Variants in SLX9 observed in about 807,000 individuals in gnomAD.
SLX9 encodes the protein ribosome biogenesis protein SLX9 homolog.
In SLX9, 19 loss-of-function variants were observed where a neutral mutation model predicts 20.8. The observed-to-expected ratio is 0.91, with a 90% CI of 0.64 to 1.34. The LOEUF is 1.34. Among genes scored for constraint, SLX9 ranks in the 40% most tolerant of loss-of-function variants. The probability of loss-of-function intolerance (pLI) is 0.00; values close to 1 mark genes in which losing one functional copy is unlikely to be tolerated. For missense variants in SLX9, 299 were observed against 322.2 expected (o/e 0.93, Z 0.55); for synonymous variants, 113 against 137.1 (o/e 0.82, Z 1.23).
At chr21:44,973,098 A>T in intron 4 of SLX9, 99 bp from the exon 5 acceptor site, 1 of 1,372,446 alleles carries the variant, frequency 7.3e-7, no homozygotes, top group Non-Finnish European at 1.0e-6. Context: ...TCTGGCCACC[A>T]CGACGTCTGC....
chr21:44,951,726 G>A (rs1465257254), intron 2 of SLX9, among the ~76,000 whole-genome samples: 3 of 152,142 alleles, frequency 2.0e-5, no homozygotes. Flanking sequence ...CACTGTGTGG[G>A]CACCATCTCT....
At chr21:44,940,210 G>GGGGCTGCCGCGTGGGTCCGA in intron 1 of SLX9, 24 bp downstream of exon 1, 15 of 1,222,790 alleles carry the variant, frequency 1.2e-5, no homozygotes, top group Non-Finnish European at 1.5e-5. Flanking sequence ...GCGCTGGCCG[G>GGGGCTGCCGCGTGGGTCCGA]GGGCTGCCGC....
chr21:44,967,326 C>T (rs1460780856), intron 4 of SLX9, 145 bp downstream of exon 4: 17 of 1,235,188 alleles, frequency 1.4e-5, no homozygotes, highest in African/African-American at 3.1e-5. Flanking sequence ...GTGCTCCGCA[C>T]AGGTACCCTG....
At chr21:44,952,324 C>G (rs184006697) in intron 2 of SLX9, among the ~76,000 whole-genome samples, 1 of 152,262 alleles carries the variant, frequency 6.6e-6, no homozygotes. Context: ...AGACAGCAAT[C>G]GGCAGCTTCC....
intron 4 of SLX9, 71 bp downstream of exon 4, chr21:44,967,252 AG>A: frequency 6.6e-7 from 1 of 1,505,550 alleles, no homozygotes; most frequent in Non-Finnish European, 8.8e-7. Flanking sequence ...GAGGGATATG[AG>A]TGGGAGCCAC....
chr21:44,954,171 G>A (rs532436397), intron 2 of SLX9, among the ~76,000 whole-genome samples: 1 of 152,156 alleles, frequency 6.6e-6, no homozygotes, highest in African/African-American at 2.4e-5. Flanking sequence ...GCCTGCTGCT[G>A]TGTCTGTGGA....
At chr21:44,974,845 C>T (rs776961527) in intron 5 of SLX9, among the ~76,000 whole-genome samples, 5 of 152,248 alleles carry the variant, frequency 3.3e-5, no homozygotes, top group African/African-American at 7.2e-5. Context: ...CCTGGCCTCC[C>T]TCTCCGCCTC....
At chr21:44,975,907 A>C (rs2085252461) in intron 5 of SLX9, among the ~76,000 whole-genome samples, 2 of 152,238 alleles carry the variant, frequency 1.3e-5, no homozygotes, top group Admixed American at 1.3e-4. Flanking sequence ...GAGCCTTGTC[A>C]ACTGCCCAGG....
chr21:44,940,284 T>A, intron 1 of SLX9, 98 bp downstream of exon 1: 1 of 1,185,082 alleles, frequency 8.4e-7, no homozygotes, highest in Non-Finnish European at 1.0e-6. Flanking sequence ...ACCCCGGCCT[T>A]CCCTCGGGCT....
At chr21:44,947,636 G>A (rs981203500) in intron 2 of SLX9, among the ~76,000 whole-genome samples, 2 of 148,100 alleles carry the variant, frequency 1.4e-5, no homozygotes, top group African/African-American at 4.9e-5. Flanking sequence ...CAAGCCCTTC[G>A]GATCCCAGCT....
chr21:44,939,908 C>A, upstream of SLX9: 1 of 776,458 alleles, frequency 1.3e-6, no homozygotes, highest in Non-Finnish European at 1.9e-6. Flanking sequence ...ACCCTACACC[C>A]GCGACCCTGC....
At chr21:44,972,338 G>A (rs965914019) in intron 4 of SLX9, among the ~76,000 whole-genome samples, 20 of 152,322 alleles carry the variant, frequency 1.3e-4, no homozygotes, top group Non-Finnish European at 4.4e-5. Flanking sequence ...GCGAGCTCCC[G>A]AAGATTCCCA....
intron 2 of SLX9, 39 bp downstream of exon 2, chr21:44,943,876 C>A: frequency 6.2e-7 from 1 of 1,613,274 alleles, no homozygotes; most frequent in South Asian, 1.1e-5. Flanking sequence ...TGATACCCAG[C>A]AGGTCTGGGA....
intron 2 of SLX9, among the ~76,000 whole-genome samples, chr21:44,952,320 C>T (rs928813594): frequency 1.3e-5 from 2 of 152,276 alleles, no homozygotes; most frequent in Admixed American, 1.3e-4. Flanking sequence ...TGCCAGACAG[C>T]AATCGGCAGC....
intron 4 of SLX9, among the ~76,000 whole-genome samples, chr21:44,970,279 T>A (rs2123453117): frequency 6.6e-6 from 1 of 152,384 alleles, no homozygotes; most frequent in South Asian, 2.1e-4. Context: ...GGTGTTGGTC[T>A]GGACAGATGG....
upstream of SLX9, chr21:44,939,925 C>T (rs2084506049): frequency 2.1e-6 from 2 of 972,494 alleles, no homozygotes; most frequent in Middle Eastern, 3.5e-4. Flanking sequence ...CTGCGCCCGC[C>T]CGAGCCGCTT....
chr21:44,973,943 GC>G (rs1358721872), intron 5 of SLX9, among the ~76,000 whole-genome samples: 1 of 152,118 alleles, frequency 6.6e-6, no homozygotes, highest in Non-Finnish European at 1.5e-5. Flanking sequence ...CCCCATCTCC[GC>G]CCCTCCCCTC....
intron 5 of SLX9, among the ~76,000 whole-genome samples, chr21:44,973,677 AG>A (rs1459807120): frequency 7.6e-6 from 1 of 131,298 alleles, no homozygotes; most frequent in Non-Finnish European, 1.6e-5. Flanking sequence ...CACCCTCTCC[AG>A]GGGTTCAGCT....
chr21:44,941,103 A>AATTT (rs143507071), intron 1 of SLX9, among the ~76,000 whole-genome samples: 3,740 of 152,096 alleles, frequency 0.025, 169 homozygotes, highest in African/African-American at 0.086. Flanking sequence ...TTTAAAAAAT[A>AATTT]CTCTTTACTG....
Sources: gnomAD v4.1 joint callset for allele counts (sites outside exome capture counted in the v4.1 genomes callset) on GRCh38, gnomAD v4.1.1 for gene constraint, MANE v1.5 for transcripts, NCBI Gene and HGNC (gene_info 2026-07-23, HGNC 2026-07-21) for gene names.